NDUFAB1: variants seen among roughly 807,000 people sequenced by gnomAD.
The protein encoded by NDUFAB1 is acyl carrier protein, mitochondrial.
A neutral mutation model predicts 16.1 loss-of-function variants in NDUFAB1; 5 were observed. The observed-to-expected ratio is 0.31, with a 90% confidence interval of 0.16 to 0.65. The LOEUF is 0.65. Among genes scored for constraint, NDUFAB1 ranks in the 30% least tolerant of loss-of-function variants. The pLI is 0.77. For missense variants in NDUFAB1, 187 were observed against 205.3 expected (o/e 0.91, Z 0.54); for synonymous variants, 85 against 78.4 (o/e 1.08, Z -0.44).
chr16:23,592,472 C>T (rs1238122472), intron 1 of NDUFAB1, among the ~76,000 whole-genome samples: 1 of 152,158 alleles, frequency 6.6e-6, no homozygotes, highest in Non-Finnish European at 1.5e-5. Context: ...TCTGCAGAGC[C>T]TTAAGGGCCA....
At chr16:23,584,893 T>C (rs564911499) in intron 3 of NDUFAB1, among the ~76,000 whole-genome samples, 7 of 152,354 alleles carry the variant, frequency 4.6e-5, no homozygotes, top group African/African-American at 1.7e-4. Flanking sequence ...GGAGTGTGCT[T>C]GTGAGCCAGG....
chr16:23,590,125 C>T (rs780261033), intron 1 of NDUFAB1, among the ~76,000 whole-genome samples: 1 of 152,084 alleles, frequency 6.6e-6, no homozygotes, highest in Non-Finnish European at 1.5e-5. Flanking sequence ...CACAACTACC[C>T]ATGAGGCCAA....
At chr16:23,595,878 G>C (rs1966320968) in intron 1 of NDUFAB1, among the ~76,000 whole-genome samples, 1 of 152,234 alleles carries the variant, frequency 6.6e-6, no homozygotes, top group South Asian at 2.1e-4. Flanking sequence ...CTTGTCCAAA[G>C]TTTCGGTAAG....
At chr16:23,582,473 A>C in intron 3 of NDUFAB1, 98 bp from the exon 4 acceptor site, 3 of 1,354,716 alleles carry the variant, frequency 2.2e-6, no homozygotes, top group Non-Finnish European at 2.8e-6. Context: ...CAAGTATATC[A>C]AAACTTTCAG....
At chr16:23,589,792 C>T (rs958508255) in intron 1 of NDUFAB1, among the ~76,000 whole-genome samples, 31 of 151,940 alleles carry the variant, frequency 2.0e-4, no homozygotes, top group East Asian at 9.7e-4. Flanking sequence ...AAAAATTAGC[C>T]GGGCATCGTG....
At chr16:23,583,211 G>A (rs974125633) in intron 3 of NDUFAB1, among the ~76,000 whole-genome samples, 5 of 152,320 alleles carry the variant, frequency 3.3e-5, no homozygotes, top group East Asian at 1.9e-4. Flanking sequence ...CCAAAGTGCC[G>A]AGATTGCAGC....
At chr16:23,584,364 T>G (rs1204915270) in intron 3 of NDUFAB1, among the ~76,000 whole-genome samples, 1 of 151,160 alleles carries the variant, frequency 6.6e-6, no homozygotes, top group African/African-American at 2.4e-5. Context: ...TGCCTCTTCT[T>G]GACATTTCAT....
intron 1 of NDUFAB1, among the ~76,000 whole-genome samples, chr16:23,593,265 C>G (rs943206961): frequency 6.6e-6 from 1 of 152,230 alleles, no homozygotes; most frequent in African/African-American, 2.4e-5. Context: ...TGCCACTGCA[C>G]TCCAGCCTGA....
chr16:23,592,893 G>A lies in NDUFAB1; in HGVS notation c.168+3230C>T, dbSNP rs240746. 5.9e-3 allele frequency among the ~76,000 whole-genome samples: 893 copies of A among 152,254 alleles called. 6 individuals are homozygous for A. Among genetic ancestry groups the A allele is most frequent in the Non-Finnish European group, 0.01 (703 of 68,000 alleles). ...GCATGAGCAATGGTCCAAATGAGATGAACAAGGACTGGAGGCGGAGGTCTG... is the reference window on the plus strand; with the variant it reads ...GCATGAGCAATGGTCCAAATGAGATAAACAAGGACTGGAGGCGGAGGTCTG... On this transcript the variant is annotated intron_variant, in intron 1 of 4. Coordinates refer to ENST00000007516, the MANE Select transcript of NDUFAB1 (RefSeq NM_005003.3).
intron 1 of NDUFAB1, 73 bp from the exon 2 acceptor site, chr16:23,587,392 G>A: frequency 6.4e-7 from 1 of 1,563,338 alleles, no homozygotes; most frequent in Non-Finnish European, 8.7e-7. Context: ...AAGCCTATAG[G>A]TAACTTTCAC....
chr16:23,581,899 G>A (rs1482611476), intron 4 of NDUFAB1: 1 of 154,824 alleles, frequency 6.5e-6, no homozygotes, highest in African/African-American at 2.4e-5. Context: ...TTATACATGA[G>A]GCCTCTCTTG....
chr16:23,582,292 A>C lies in NDUFAB1; in HGVS notation c.463T>G (p.Tyr155Asp), dbSNP rs149352179. ...VDYIADKKDV[Y>D]E ...TCTATTTACCTGATACTTTATTCAT[A>C]TACATCCTTCTTATCTGCAATGTAA... Residue 155 changes from tyrosine (Y) to aspartate (D), a missense_variant, in exon 4 of 5, where the codon TAT becomes GAT. By Grantham distance (160) the Tyr-to-Asp change is radical (BLOSUM62 -3). Around this residue, in one of 3 missense-constraint regions of NDUFAB1, gnomAD observed 32 missense variants for 28.8 expected, o/e 1.11. Coordinates refer to ENST00000007516, the MANE Select transcript of NDUFAB1 (RefSeq NM_005003.3). 1.9e-6 allele frequency: 3 copies of C among 1,552,716 alleles called. No individual in the cohort carries two copies. In the Admixed American group the frequency reaches 6.1e-5, roughly 32 times the overall value.
intron 3 of NDUFAB1, among the ~76,000 whole-genome samples, chr16:23,582,830 C>T (rs999843054): frequency 6.6e-6 from 1 of 151,654 alleles, no homozygotes; most frequent in Non-Finnish European, 1.5e-5. Context: ...CTCCCTCTCC[C>T]TCTCCCTCTC....
intron 1 of NDUFAB1, among the ~76,000 whole-genome samples, chr16:23,589,945 A>G (rs1162052959): frequency 4.1e-5 from 4 of 97,076 alleles, no homozygotes; most frequent in Non-Finnish European, 8.0e-5. Context: ...CCAAAAAGAA[A>G]AAAAAAAAAA....
intron 3 of NDUFAB1, among the ~76,000 whole-genome samples, chr16:23,584,253 A>AT: frequency 9.7e-6 from 1 of 103,148 alleles, no homozygotes; most frequent in South Asian, 3.9e-4. Flanking sequence ...AGAATGATCA[A>AT]TTAAAAAAAA....
intron 3 of NDUFAB1, among the ~76,000 whole-genome samples, chr16:23,583,430 T>TG: frequency 7.8e-6 from 1 of 127,654 alleles, no homozygotes. Flanking sequence ...CCGGCCACCA[T>TG]CCCGTCTAGG....
intron 1 of NDUFAB1, among the ~76,000 whole-genome samples, chr16:23,592,633 G>A (rs1350865171): frequency 1.4e-5 from 2 of 142,826 alleles, no homozygotes; most frequent in African/African-American, 5.2e-5. Flanking sequence ...GTGTAGATTC[G>A]GGGCCTACCT....
At chr16:23,583,941 T>C (rs936803487) in intron 3 of NDUFAB1, among the ~76,000 whole-genome samples, 11 of 151,950 alleles carry the variant, frequency 7.2e-5, no homozygotes, top group African/African-American at 2.7e-4. Flanking sequence ...TGGGATGCTG[T>C]TGATCTATGA....
At chr16:23,581,252 A>C (rs1292452178) in intron 4 of NDUFAB1, 79 bp from the exon 5 acceptor site, 1 of 152,250 alleles carries the variant, frequency 6.6e-6, no homozygotes, top group African/African-American at 2.4e-5. Context: ...AGGTGCTAAA[A>C]ATGCAGCCTC....
Sources: gnomAD v4.1 joint callset for allele counts (sites outside exome capture counted in the v4.1 genomes callset) on GRCh38, gnomAD v4.1.1 for gene constraint, gnomAD v4.1.1 regional missense constraint, MANE v1.5 for transcripts, NCBI Gene and HGNC (gene_info 2026-07-23, HGNC 2026-07-21) for gene names.